The following ZNF267 variants were observed in gnomAD, a reference collection of about 807,000 sequenced individuals.
ZNF267 encodes zinc finger (C2H2).
A neutral mutation model predicts 71.6 loss-of-function variants in ZNF267; 61 were observed. The ratio of observed to expected loss-of-function variants is 0.85; its 90% confidence interval spans 0.69 to 1.05. The LOEUF (loss-of-function observed/expected upper bound fraction) is 1.05, where lower values mean the gene tolerates loss of function less well. Ranked by LOEUF, ZNF267 falls within the 50% of genes least tolerant of loss-of-function variation. The probability of loss-of-function intolerance (pLI) is 0.00; values close to 1 mark genes in which losing one functional copy is unlikely to be tolerated. For synonymous variants in ZNF267, 288 were observed against 293.2 expected (o/e 0.98, Z 0.18); for missense variants, 852 against 870.0 (o/e 0.98, Z 0.26).
chr16:31,875,391 C>T, intron 1 of ZNF267: 1 of 1,113,904 alleles, frequency 9.0e-7, no homozygotes, highest in Non-Finnish European at 1.2e-6. Flanking sequence ...AAAAGATAAC[C>T]CCTTGGGACA....
At chr16:31,900,011 CAT>C (rs796762585) in intron 3 of ZNF267, among the ~76,000 whole-genome samples, 61 of 151,896 alleles carry the variant, frequency 4.0e-4, no homozygotes, top group Admixed American at 3.5e-3. Context: ...CACACACACA[CAT>C]ACACACACAC....
At chr16:31,898,979 G>A (rs562352088) in intron 3 of ZNF267, among the ~76,000 whole-genome samples, 1 of 152,246 alleles carries the variant, frequency 6.6e-6, no homozygotes, top group East Asian at 1.9e-4. Context: ...TCCGCAAGAA[G>A]AGCTAACTAT....
At chr16:31,894,416 C>T in intron 3 of ZNF267, 1 of 402,578 alleles carries the variant, frequency 2.5e-6, no homozygotes, top group Non-Finnish European at 4.7e-6. Context: ...GATGTATTTT[C>T]TTGTTCATGG....
chr16:31,876,062 G>A (rs890260857), intron 1 of ZNF267, among the ~76,000 whole-genome samples: 6 of 151,986 alleles, frequency 3.9e-5, no homozygotes, highest in Non-Finnish European at 5.9e-5. Flanking sequence ...TTTCATTATT[G>A]GCTGTAGAAA....
rs1268437759 is a variant in ZNF267, at chr16:31,914,579, T to C, written c.330T>C (p.Asn110=). 6.2e-7 allele frequency: 1 copy of C among 1,614,094 alleles called. No individual in the cohort carries two copies. The highest frequency in any genetic ancestry group is 8.5e-7 in the Non-Finnish European group (1 of 1,180,008). Residue 110 remains asparagine (N), a synonymous_variant, in exon 4 of 4, where the codon AAT becomes AAC. Coordinates refer to ENST00000300870, the MANE Select transcript of ZNF267 (RefSeq NM_003414.6). ...SRRHGSCDLE[N]LHLRKRWKRE... is the part of the protein sequence containing the mutation. ...GACATGGGAGCTGTGATCTTGAGAA[T>C]TTACATTTAAGAAAAAGGTGGAAAA...
chr16:31,878,764 C>CTTCTTT (rs1254387549), intron 1 of ZNF267, among the ~76,000 whole-genome samples: 1 of 152,142 alleles, frequency 6.6e-6, no homozygotes, highest in African/African-American at 2.4e-5. Flanking sequence ...CCACAAGCCC[C>CTTCTTT]TTCTTTATGT....
chr16:31,902,496 G>C (rs939277834), intron 3 of ZNF267, among the ~76,000 whole-genome samples: 3 of 152,128 alleles, frequency 2.0e-5, no homozygotes, highest in Non-Finnish European at 4.4e-5. Flanking sequence ...TCTCCTTGAA[G>C]AGGTCCTTCA....
At chr16:31,904,625 T>G (rs1465075259) in intron 3 of ZNF267, among the ~76,000 whole-genome samples, 1 of 152,238 alleles carries the variant, frequency 6.6e-6, no homozygotes, top group Admixed American at 6.5e-5. Flanking sequence ...TTTTTTTGTT[T>G]TCCATTTGCT....
chr16:31,877,215 G>C (rs1343927133), intron 1 of ZNF267, among the ~76,000 whole-genome samples: 1 of 151,922 alleles, frequency 6.6e-6, no homozygotes, highest in Non-Finnish European at 1.5e-5. Flanking sequence ...TGTTCCCCCA[G>C]ACTGAGGCTT....
At chr16:31,876,788 A>C (rs1258908992) in intron 1 of ZNF267, among the ~76,000 whole-genome samples, 1 of 152,206 alleles carries the variant, frequency 6.6e-6, no homozygotes, top group Non-Finnish European at 1.5e-5. Context: ...TGGGAAGCAG[A>C]AGCCTGAGCT....
At chr16:31,888,954 G>A (rs1239003538) in intron 3 of ZNF267, among the ~76,000 whole-genome samples, 1 of 151,776 alleles carries the variant, frequency 6.6e-6, no homozygotes, top group Non-Finnish European at 1.5e-5. Context: ...TTTTAAATTG[G>A]AAGATTTCTG....
At position 31,873,822 on chromosome 16, in the gene ZNF267, C is replaced by A; in HGVS notation, c.-145C>A. The A allele has an allele frequency of 1.7e-6, 2 of 1,144,700 alleles. No homozygotes were observed. Among genetic ancestry groups the A allele is most frequent in the Non-Finnish European group, 2.6e-6 (2 of 771,764 alleles). The allele number at this position is 1,144,700 out of a possible 1,614,324, so 70.9% of individuals were successfully genotyped here. A position where few individuals can be genotyped will look rare whatever the true frequency, so the allele number is the denominator to read the frequency against. Reference sequence around the variant, plus strand: ...CGTCGGCTCCAGTTAGAGCTCGGGTCTCCTCGCCACAGCTCCGAGTCTTTC... The same window carrying A: ...CGTCGGCTCCAGTTAGAGCTCGGGTATCCTCGCCACAGCTCCGAGTCTTTC... On this transcript the variant is annotated 5_prime_UTR_variant, in exon 1 of 4. Transcript: ENST00000300870.
intron 1 of ZNF267, among the ~76,000 whole-genome samples, chr16:31,879,257 A>G (rs747254907): frequency 1.3e-5 from 2 of 152,210 alleles, no homozygotes; most frequent in Non-Finnish European, 2.9e-5. Flanking sequence ...TGGCCTCCCA[A>G]TTCCCAGGTG....
chr16:31,895,976 A>G (rs2083995336), intron 3 of ZNF267, among the ~76,000 whole-genome samples: 2 of 152,048 alleles, frequency 1.3e-5, no homozygotes, highest in African/African-American at 4.8e-5. Flanking sequence ...AGTAGGATAT[A>G]ATTATATTTG....
chr16:31,887,382 T>C (rs926898206), intron 3 of ZNF267, among the ~76,000 whole-genome samples: 4 of 152,160 alleles, frequency 2.6e-5, no homozygotes, highest in Admixed American at 2.0e-4. Context: ...GCATACACTT[T>C]TTTGTTTCAT....
chr16:31,894,888 C>G (rs920022781), intron 3 of ZNF267: 5 of 396,110 alleles, frequency 1.3e-5, no homozygotes, highest in Admixed American at 3.2e-5. Flanking sequence ...TCTTTCATGA[C>G]CAACCTCGTG....
chr16:31,889,556 T>C (rs2083946187), intron 3 of ZNF267, among the ~76,000 whole-genome samples: 1 of 152,212 alleles, frequency 6.6e-6, no homozygotes, highest in African/African-American at 2.4e-5. Flanking sequence ...ACTGTATTAG[T>C]CTATTCTATA....
chr16:31,888,716 C>T (rs913758475), intron 3 of ZNF267, among the ~76,000 whole-genome samples: 5 of 151,268 alleles, frequency 3.3e-5, no homozygotes, highest in African/African-American at 1.2e-4. Context: ...AATTTGGTAT[C>T]TAGTATTTTG....
At chr16:31,893,483 T>C (rs2083975422) in intron 3 of ZNF267, among the ~76,000 whole-genome samples, 2 of 152,216 alleles carry the variant, frequency 1.3e-5, no homozygotes, top group South Asian at 4.1e-4. Context: ...TCTCAGAAAA[T>C]GGGATTTTCT....
Sources: gnomAD v4.1 joint callset for allele counts (sites outside exome capture counted in the v4.1 genomes callset) on GRCh38, gnomAD v4.1.1 for gene constraint, MANE v1.5 for transcripts, NCBI Gene and HGNC (gene_info 2026-07-23, HGNC 2026-07-21) for gene names.